Variants in ATRN observed in about 807,000 individuals in gnomAD.
ATRN encodes the protein attractin.
A neutral mutation model predicts 178.7 loss-of-function variants in ATRN; 54 were observed. That is an observed-to-expected ratio of 0.30 (90% CI 0.24 to 0.38). ATRN has a LOEUF of 0.38. ATRN is among the 10% of genes least tolerant of loss of function. The pLI, the probability that ATRN is intolerant of heterozygous loss-of-function variation, is 1.00. For missense variants in ATRN, 1,443 were observed against 1,815.1 expected, an observed-to-expected ratio of 0.79 and a Z score of 3.73; for synonymous variants, 636 against 663.0, an observed-to-expected ratio of 0.96 and a Z score of 0.63.
chr20:3,557,628 G>C (rs1269312289), intron 6 of ATRN, among the ~76,000 whole-genome samples: 1 of 152,188 alleles, frequency 6.6e-6, no homozygotes, highest in Non-Finnish European at 1.5e-5. Context: ...ACTGTGAGGA[G>C]ATTGAGTCAG....
chr20:3,501,373 C>G (rs564755613), intron 1 of ATRN, among the ~76,000 whole-genome samples: 5 of 152,308 alleles, frequency 3.3e-5, no homozygotes, highest in African/African-American at 1.2e-4. Context: ...TTGAGCACTT[C>G]TAATGCCAGA....
intron 6 of ATRN, among the ~76,000 whole-genome samples, chr20:3,552,672 C>G (rs1321537306): frequency 6.6e-6 from 1 of 152,166 alleles, no homozygotes; most frequent in Non-Finnish European, 1.5e-5. Flanking sequence ...ATCTAGAGGC[C>G]TGAGTGAGGA....
intron 2 of ATRN, among the ~76,000 whole-genome samples, chr20:3,536,003 A>G (rs1294050207): frequency 2.0e-5 from 3 of 151,996 alleles, no homozygotes; most frequent in Non-Finnish European, 4.4e-5. Flanking sequence ...CTAAGTATCT[A>G]TTTTTGTTGT....
chr20:3,573,599 G>C (rs2086159801), intron 12 of ATRN, among the ~76,000 whole-genome samples: 1 of 152,058 alleles, frequency 6.6e-6, no homozygotes, highest in Non-Finnish European at 1.5e-5. Flanking sequence ...CAGTTACTGA[G>C]GATGGGCGAT....
rs1355443345 is a variant in ATRN, at chr20:3,638,946, G to C, written c.4050+11G>C. 1 of 1,607,356 alleles carries C rather than the reference G, an allele frequency of 6.2e-7. No homozygotes were observed. The highest frequency in any genetic ancestry group is 2.2e-5 in the East Asian group (1 of 44,790). On this transcript the variant is annotated intron_variant, in intron 27 of 28. Transcript: ENST00000262919. The surrounding 1 kb of genome is among the most constrained non-coding windows in gnomAD (Gnocchi z 4.5). ...GGGGGGAGTATAAAGGTGAGAATGT[G>C]ACTCAGAAGTCCCTATAACTTGACT...
intron 23 of ATRN, among the ~76,000 whole-genome samples, chr20:3,603,624 G>A (rs565281624): frequency 1.2e-3 from 182 of 152,096 alleles, no homozygotes; most frequent in African/African-American, 4.1e-3. Context: ...TGAGTAGCTG[G>A]GATTACAGGC....
chr20:3,529,676 G>A (rs1568709925), intron 1 of ATRN, among the ~76,000 whole-genome samples: 1 of 152,234 alleles, frequency 6.6e-6, no homozygotes, highest in Non-Finnish European at 1.5e-5. Context: ...ATATAAGAGA[G>A]CTTTTGGGGG....
chr20:3,591,094 C>T, intron 18 of ATRN, 75 bp from the exon 19 acceptor site: 1 of 1,377,402 alleles, frequency 7.3e-7, no homozygotes. Flanking sequence ...GAGATAGTTG[C>T]AGATAAATCT....
chr20:3,536,282 C>T (rs549323288), intron 2 of ATRN, among the ~76,000 whole-genome samples: 1 of 152,082 alleles, frequency 6.6e-6, no homozygotes, highest in East Asian at 1.9e-4. Flanking sequence ...GATCTTGGCT[C>T]ACTGCAACGT....
chr20:3,537,742 A>G (rs187506889), intron 2 of ATRN, among the ~76,000 whole-genome samples: 37 of 149,364 alleles, frequency 2.5e-4, no homozygotes, highest in Admixed American at 2.1e-3. Flanking sequence ...ATTCCCACCT[A>G]TAAGTGAGAA....
At chr20:3,527,246 C>T (rs545412879) in intron 1 of ATRN, among the ~76,000 whole-genome samples, 1 of 152,020 alleles carries the variant, frequency 6.6e-6, no homozygotes, top group Admixed American at 6.5e-5. Context: ...GCAAACAACC[C>T]CATCAAAAAG....
chr20:3,593,232 T>A (rs1400815131), intron 19 of ATRN, among the ~76,000 whole-genome samples: 3 of 152,214 alleles, frequency 2.0e-5, no homozygotes, highest in South Asian at 4.1e-4. Flanking sequence ...CTACAGGGCC[T>A]GAGTACAATT....
intron 6 of ATRN, among the ~76,000 whole-genome samples, chr20:3,553,069 T>A (rs1600100614): frequency 6.6e-6 from 1 of 152,284 alleles, no homozygotes; most frequent in South Asian, 2.1e-4. Flanking sequence ...TCATGAGGAC[T>A]ACCCCAGTGT....
At chr20:3,602,510 A>G (rs904097682) in intron 23 of ATRN, among the ~76,000 whole-genome samples, 3 of 152,214 alleles carry the variant, frequency 2.0e-5, no homozygotes, top group African/African-American at 7.2e-5. Context: ...AGATTGATGC[A>G]AAATAAGAAT....
chr20:3,490,804 G>A (rs2084782041), intron 1 of ATRN: 10 of 798,724 alleles, frequency 1.3e-5, no homozygotes, highest in Non-Finnish European at 2.1e-5. Flanking sequence ...ATGGCATTGA[G>A]TTCCTCCTTT....
At chr20:3,519,017 AAAAG>A (rs1268590782) in intron 1 of ATRN, among the ~76,000 whole-genome samples, 14 of 148,904 alleles carry the variant, frequency 9.4e-5, no homozygotes, top group South Asian at 6.3e-4. Flanking sequence ...AAAAAAAAAA[AAAAG>A]AAAGAAAACT....
chr20:3,561,047 G>A lies in ATRN; in HGVS notation c.1447+142G>A, dbSNP rs184192446. 215 of 1,128,374 alleles carry A rather than the reference G, an allele frequency of 1.9e-4. 2 individuals are homozygous for A. Among genetic ancestry groups the A allele is most frequent in the South Asian group, 5.3e-4 (35 of 66,188 alleles). 69.9% of individuals were successfully genotyped at this position (1,128,374 alleles called of 1,614,324 possible). On this transcript the variant is annotated intron_variant, in intron 8 of 28. Coordinates refer to ENST00000262919, the MANE Select transcript of ATRN (RefSeq NM_139321.3). ...AACATAGTAAACACTGGGCCCAGGCGTGGTGGCCCACTCCTGTAATCCCAG... is the reference window on the plus strand; with the variant it reads ...AACATAGTAAACACTGGGCCCAGGCATGGTGGCCCACTCCTGTAATCCCAG...
intron 10 of ATRN, 49 bp from the exon 11 acceptor site, chr20:3,565,299 T>C (rs780750468): frequency 2.8e-6 from 4 of 1,442,162 alleles, no homozygotes; most frequent in Non-Finnish European, 3.8e-6. Context: ...TCAGGTCCTG[T>C]TGATTAGAAA....
chr20:3,568,760 A>G (rs773728128), intron 11 of ATRN, among the ~76,000 whole-genome samples: 1 of 152,214 alleles, frequency 6.6e-6, no homozygotes, highest in Non-Finnish European at 1.5e-5. Context: ...CTCACAGCCA[A>G]CAGCACTTTA....
Sources: gnomAD v4.1 joint callset for allele counts (sites outside exome capture counted in the v4.1 genomes callset) on GRCh38, gnomAD v4.1.1 for gene constraint, Gnocchi (gnomAD v3.1) non-coding constraint, MANE v1.5 for transcripts, NCBI Gene and HGNC (gene_info 2026-07-23, HGNC 2026-07-21) for gene names.